Variants in ANKRD33B observed in about 807,000 individuals in gnomAD.
ANKRD33B encodes the protein ankyrin repeat domain-containing protein 33B.
ANKRD33B carries 6 observed loss-of-function variants against 21.5 expected under a neutral mutation model. The ratio of observed to expected loss-of-function variants is 0.28; its 90% CI spans 0.15 to 0.55. The LOEUF is 0.55. Among genes scored for constraint, ANKRD33B ranks in the 20% least tolerant of loss-of-function variants. The pLI is 0.94. For synonymous variants in ANKRD33B, 347 were observed against 342.4 expected, an observed-to-expected ratio of 1.01 and a Z score of -0.15; for missense variants, 698 against 747.2, an observed-to-expected ratio of 0.93 and a Z score of 0.77.
At chr5:10,577,978 C>A in intron 1 of ANKRD33B, among the ~76,000 whole-genome samples, 1 of 152,292 alleles carries the variant, frequency 6.6e-6, no homozygotes, top group East Asian at 1.9e-4. Flanking sequence ...ACTTAAGAGT[C>A]GCGTTTCAGG....
chr5:10,574,458 A>G (rs1735272535), intron 1 of ANKRD33B, among the ~76,000 whole-genome samples: 3 of 152,224 alleles, frequency 2.0e-5, no homozygotes, highest in African/African-American at 7.2e-5. Context: ...ATGGGAAACC[A>G]TAATGTAAAT....
At chr5:10,602,764 C>T (rs560686436) in intron 1 of ANKRD33B, among the ~76,000 whole-genome samples, 1 of 151,930 alleles carries the variant, frequency 6.6e-6, no homozygotes, top group African/African-American at 2.4e-5. Context: ...TAAAGCTGAT[C>T]ATAGTCTATA....
At chr5:10,637,443 C>CACACAG (rs1353612703) in intron 2 of ANKRD33B, among the ~76,000 whole-genome samples, 7 of 143,640 alleles carry the variant, frequency 4.9e-5, no homozygotes, top group Admixed American at 4.8e-4. Flanking sequence ...CACACACACA[C>CACACAG]ACACACACAC....
intron 1 of ANKRD33B, among the ~76,000 whole-genome samples, chr5:10,569,803 C>G (rs1288210972): frequency 6.6e-6 from 1 of 152,126 alleles, no homozygotes; most frequent in Non-Finnish European, 1.5e-5. Flanking sequence ...GCCTCTTCCT[C>G]TTCTGCTGAC....
At chr5:10,612,943 G>T (rs1156834465) in intron 1 of ANKRD33B, among the ~76,000 whole-genome samples, 1 of 152,202 alleles carries the variant, frequency 6.6e-6, no homozygotes, top group Non-Finnish European at 1.5e-5. Context: ...CCTATTGCTG[G>T]TGTTATTATG....
rs1157278491 is a variant in ANKRD33B, at chr5:10,619,162, G to A, written c.496+700G>A. 4 of 260,902 alleles carry A rather than the reference G, an allele frequency of 1.5e-5. No individual in the cohort carries two copies. Among genetic ancestry groups the A allele is most frequent in the Non-Finnish European group, 2.4e-5 (4 of 167,608 alleles). 16.2% of individuals were successfully genotyped at this position (260,902 alleles called of 1,614,324 possible). On this transcript the variant is annotated intron_variant, in intron 2 of 3. Transcript: ENST00000296657. The surrounding 1 kb of genome is among the most constrained non-coding windows in gnomAD (Gnocchi z 4.5). ...CATTTGGAACAGTGGTCTTGACCAG[G>A]TTTATCACTGACCCCTTTCACATTT...
chr5:10,590,491 A>G (rs985425217), intron 1 of ANKRD33B, among the ~76,000 whole-genome samples: 1 of 152,148 alleles, frequency 6.6e-6, no homozygotes, highest in African/African-American at 2.4e-5. Flanking sequence ...CCTTAACCCA[A>G]GCTTATCCAA....
intron 1 of ANKRD33B, among the ~76,000 whole-genome samples, chr5:10,582,424 C>T (rs1735463018): frequency 6.6e-6 from 1 of 152,212 alleles, no homozygotes; most frequent in South Asian, 2.1e-4. Flanking sequence ...TGGTCTCCCA[C>T]ATTTCACTGG....
intron 1 of ANKRD33B, among the ~76,000 whole-genome samples, chr5:10,611,253 ACCTT>A (rs1249117637): frequency 6.6e-6 from 1 of 152,124 alleles, no homozygotes; most frequent in East Asian, 1.9e-4. Flanking sequence ...CAAAATATTG[ACCTT>A]TGTTAATGTT....
rs75720434 is a variant in ANKRD33B at position 10,656,979 on chromosome 5, G to GA, written c.*6877dup. On this transcript the variant is annotated 3_prime_UTR_variant, in exon 4 of 4. Transcript: ENST00000296657. The stretch of plus-strand genomic sequence containing the variant: ...ACACCCCTCTATTGTTTTTAAATAA[G>GA]AAAAAAAAAAACCCCACGAAACTTT... 5,226 of 147,706 alleles carry GA rather than the reference G, an allele frequency of 0.035. 209 individuals are homozygous for GA. Among genetic ancestry groups the GA allele is most frequent in the East Asian group, 0.16 (831 of 5,144 alleles). 9.1% of individuals were successfully genotyped at this position (147,706 alleles called of 1,614,324 possible).
At chr5:10,614,443 G>A (rs1736239804) in intron 1 of ANKRD33B, among the ~76,000 whole-genome samples, 1 of 152,148 alleles carries the variant, frequency 6.6e-6, no homozygotes, top group Non-Finnish European at 1.5e-5. Flanking sequence ...TAATATTTTG[G>A]TGTGGTTCTT....
At chr5:10,631,752 G>A (rs1013020567) in intron 2 of ANKRD33B, among the ~76,000 whole-genome samples, 3 of 152,348 alleles carry the variant, frequency 2.0e-5, no homozygotes, top group South Asian at 4.1e-4. Flanking sequence ...AAGCAACAGC[G>A]TTAGCATGAT....
chr5:10,592,568 G>A (rs561525690), intron 1 of ANKRD33B, among the ~76,000 whole-genome samples: 3 of 150,522 alleles, frequency 2.0e-5, no homozygotes, highest in African/African-American at 7.3e-5. Flanking sequence ...GTTGCAATGA[G>A]CTGAGCTGAG....
rs1369892580 is a variant in ANKRD33B, at chr5:10,576,132, G to A, written c.366+11299G>A. On this transcript the variant is annotated intron_variant, in intron 1 of 3. Coordinates refer to ENST00000296657, the MANE Select transcript of ANKRD33B (RefSeq NM_001164440.2). The surrounding 1 kb of genome is among the most constrained non-coding windows in gnomAD (Gnocchi z 4.1). The stretch of plus-strand genomic sequence containing the variant: ...GGACAGGTGAAGGGTACAAGTTCTT[G>A]TGGGGCTGTAACTATTTCAAAATAA... Among the ~76,000 whole-genome samples the A allele has an allele frequency of 1.3e-5, 2 of 152,310 alleles. No homozygotes were observed. Among genetic ancestry groups the A allele is most frequent in the Non-Finnish European group, 2.9e-5 (2 of 68,020 alleles).
At chr5:10,642,974 G>A (rs1039105192) in intron 3 of ANKRD33B, among the ~76,000 whole-genome samples, 17 of 152,014 alleles carry the variant, frequency 1.1e-4, no homozygotes, top group African/African-American at 4.1e-4. Flanking sequence ...GCGCGATCTC[G>A]GTTCACTGCA....
chr5:10,569,732 C>G (rs1735135211), intron 1 of ANKRD33B, among the ~76,000 whole-genome samples: 1 of 152,184 alleles, frequency 6.6e-6, no homozygotes, highest in Admixed American at 6.5e-5. Flanking sequence ...GTCCGAGGGG[C>G]TGGAGTCAGA....
intron 1 of ANKRD33B, among the ~76,000 whole-genome samples, chr5:10,607,997 CCTT>C (rs2126574064): frequency 6.6e-6 from 1 of 152,214 alleles, no homozygotes; most frequent in African/African-American, 2.4e-5. Context: ...CATCACCACT[CCTT>C]CTAGAAGGAC....
Position 10,656,052 on chromosome 5 carries a change from C to T in ANKRD33B, c.*5939C>T, listed in dbSNP as rs906380772. 2 of 152,256 alleles carry T rather than the reference C, an allele frequency of 1.3e-5. No individual in the cohort carries two copies. The highest frequency in any genetic ancestry group is 3.4e-3 in the Middle Eastern group (1 of 294). 9.4% of individuals were successfully genotyped at this position (152,256 alleles called of 1,614,324 possible). Reference sequence around the variant, plus strand: ...AGAGCTTACAACAAAAGCAGTTCCTCTCAAGACACTGCTTGCATCTTCCCT... The same window carrying T: ...AGAGCTTACAACAAAAGCAGTTCCTTTCAAGACACTGCTTGCATCTTCCCT... On this transcript the variant is annotated 3_prime_UTR_variant, in exon 4 of 4. Transcript: ENST00000296657.
Position 10,650,046 on chromosome 5 carries a change from C to T in ANKRD33B, c.1418C>T (p.Ala473Val). 2 of 1,531,196 alleles carry T rather than the reference C, an allele frequency of 1.3e-6. No individual in the cohort carries two copies. The highest frequency in any genetic ancestry group is 1.7e-6 in the Non-Finnish European group (2 of 1,143,710). 94.9% of individuals were successfully genotyped at this position (1,531,196 alleles called of 1,614,324 possible). The change falls in exon 4 of 4, where the codon GCC becomes GTC. Residue 473 changes from alanine to valine, a missense_variant. Ala to Val is a moderately conservative substitution (Grantham distance 64, BLOSUM62 0). Coordinates refer to ENST00000296657, the MANE Select transcript of ANKRD33B (RefSeq NM_001164440.2). ...GAGGAGAAGAGGAAGGCAGAGGAGG[C>T]CGAAAAGAAGCGCCAGGCCGAGGCG... is the stretch of plus-strand genomic sequence containing the variant. The part of the protein sequence containing the change: ...AKEEKRKAEE[A>V]EKKRQAEAQK...
Sources: allele counts gnomAD v4.1 joint callset (sites outside exome capture counted in the v4.1 genomes callset), GRCh38; gene constraint gnomAD v4.1.1; non-coding constraint Gnocchi (gnomAD v3.1); transcripts MANE v1.5; gene names NCBI Gene and HGNC (gene_info 2026-07-23, HGNC 2026-07-21).